Variants in TRIM51G observed in about 807,000 individuals in gnomAD.
TRIM51G encodes the protein tripartite motif-containing 51G, also known as tripartite motif-containing protein 51G.
chr11:48,975,974 T>A, the TRIM51G span: 57 of 703,564 alleles, frequency 8.1e-5, no homozygotes, highest in Admixed American at 1.4e-4. Flanking sequence ...CTACTGGCTC[T>A]TGCATGCTGC....
At chr11:48,979,182 C>T in the TRIM51G span, 2 of 635,772 alleles carry the variant, frequency 3.1e-6, no homozygotes, top group Non-Finnish European at 6.0e-6. Context: ...GCATTCTGAA[C>T]ACCCAATATT....
chr11:48,977,299 CA>C, the TRIM51G span: 1 of 563,102 alleles, frequency 1.8e-6, no homozygotes, highest in Non-Finnish European at 3.3e-6. Flanking sequence ...TTGCTAATTC[CA>C]AAATTATCAT....
chr11:48,978,152 T>TC, the TRIM51G span: 5 of 529,802 alleles, frequency 9.4e-6, no homozygotes, highest in South Asian at 7.0e-5. Flanking sequence ...GTAATATGTC[T>TC]CCAAAAGACT....
chr11:48,979,972 T>C, the TRIM51G span, among the ~76,000 whole-genome samples: 1 of 151,886 alleles, frequency 6.6e-6, no homozygotes, highest in Non-Finnish European at 1.5e-5. Flanking sequence ...TATTTAAAAC[T>C]CAAACCCTCA....
At chr11:48,978,124 T>G in the TRIM51G span, 2 of 520,462 alleles carry the variant, frequency 3.8e-6, no homozygotes, top group South Asian at 2.8e-5. Context: ...GCTAAAATCT[T>G]GGTATGTACT....
the TRIM51G span, among the ~76,000 whole-genome samples, chr11:48,979,448 T>G: frequency 1.3e-5 from 2 of 152,242 alleles, no homozygotes; most frequent in East Asian, 3.9e-4. Context: ...TTTTGGAGAA[T>G]TGGGGCAAGT....
chr11:48,979,960 C>T, the TRIM51G span, among the ~76,000 whole-genome samples: 2 of 151,732 alleles, frequency 1.3e-5, no homozygotes, highest in Admixed American at 1.3e-4. Flanking sequence ...GTCTGACCAC[C>T]CTATTTAAAA....
At chr11:48,979,904 C>T in the TRIM51G span, among the ~76,000 whole-genome samples, 17 of 151,562 alleles carry the variant, frequency 1.1e-4, no homozygotes, top group East Asian at 3.3e-3. Context: ...TATATTTGCT[C>T]CTGATCAAGG....
At chr11:48,977,536 G>A in the TRIM51G span, among the ~76,000 whole-genome samples, 2 of 152,118 alleles carry the variant, frequency 1.3e-5, no homozygotes, top group African/African-American at 4.8e-5. Context: ...TTTTAAGACT[G>A]CTGCATCTGT....
the TRIM51G span, among the ~76,000 whole-genome samples, chr11:48,981,865 T>C: frequency 2.6e-5 from 4 of 152,168 alleles, no homozygotes; most frequent in African/African-American, 9.6e-5. Flanking sequence ...AAAGAGAGTC[T>C]TAAGGCTTTA....
At chr11:48,976,598 T>C in the TRIM51G span, among the ~76,000 whole-genome samples, 12 of 152,244 alleles carry the variant, frequency 7.9e-5, no homozygotes, top group African/African-American at 2.9e-4. Context: ...TTTTACTTCC[T>C]ATTTACAAAA....
chr11:48,982,457 G>T, the TRIM51G span, among the ~76,000 whole-genome samples: 1 of 152,130 alleles, frequency 6.6e-6, no homozygotes, highest in East Asian at 1.9e-4. Flanking sequence ...TTATTTCTGG[G>T]TGAGTCTGTG....
At chr11:48,979,567 T>C in the TRIM51G span, among the ~76,000 whole-genome samples, 3 of 152,080 alleles carry the variant, frequency 2.0e-5, no homozygotes, top group Non-Finnish European at 2.9e-5. Context: ...ATTTATTCTC[T>C]TCCAAACTCA....
At chr11:48,983,722 A>G in the TRIM51G span, among the ~76,000 whole-genome samples, 2 of 152,154 alleles carry the variant, frequency 1.3e-5, no homozygotes, top group East Asian at 3.9e-4. Context: ...AATTTTCTCC[A>G]TATAAGTTGC....
chr11:48,975,530 G>A, the TRIM51G span: 7 of 1,396,584 alleles, frequency 5.0e-6, no homozygotes, highest in Non-Finnish European at 7.1e-6. Context: ...ATAGGCCAGA[G>A]AGGAGGTGAG....
chr11:48,977,685 T>C, the TRIM51G span, among the ~76,000 whole-genome samples: 3 of 152,112 alleles, frequency 2.0e-5, no homozygotes, highest in East Asian at 5.8e-4. Flanking sequence ...AATTATATAT[T>C]TAAATATAAA....
the TRIM51G span, among the ~76,000 whole-genome samples, chr11:48,982,015 A>G: frequency 6.6e-6 from 1 of 152,134 alleles, no homozygotes; most frequent in Non-Finnish European, 1.5e-5. Flanking sequence ...GGTCTAGCAT[A>G]AAACATGCTT....
the TRIM51G span, chr11:48,976,092 C>A: frequency 2.7e-6 from 1 of 368,528 alleles, no homozygotes; most frequent in South Asian, 2.2e-5. Flanking sequence ...TTTACTTTGC[C>A]AAGAAATTTG....
chr11:48,981,274 G>A, the TRIM51G span: 768 of 1,603,476 alleles, frequency 4.8e-4, 4 homozygotes, highest in African/African-American at 8.8e-3. Context: ...ATCTTCAGAG[G>A]CATCACTTAC....
Sources: allele counts gnomAD v4.1 joint callset (sites outside exome capture counted in the v4.1 genomes callset), GRCh38; gene constraint gnomAD v4.1.1; transcripts MANE v1.5; gene names NCBI Gene and HGNC (gene_info 2026-07-23, HGNC 2026-07-21).